Variants in TSHZ2 observed in about 807,000 individuals in gnomAD.
The protein encoded by TSHZ2 is teashirt zinc finger homeobox 2, also known as teashirt homolog 2.
A neutral mutation model predicts 74.4 loss-of-function variants in TSHZ2; 21 were observed. That is an observed-to-expected ratio of 0.28 (90% CI 0.20 to 0.41). TSHZ2 has a LOEUF of 0.41. TSHZ2 is among the 10% of genes least tolerant of loss of function. TSHZ2 has a pLI of 1.00. For synonymous variants in TSHZ2, 540 were observed against 515.3 expected (o/e 1.05, Z -0.65); for missense variants, 1,244 against 1,293.5 (o/e 0.96, Z 0.59).
At chr20:53,284,184 G>C (rs748338309) in intron 2 of TSHZ2, among the ~76,000 whole-genome samples, 1 of 152,170 alleles carries the variant, frequency 6.6e-6, no homozygotes, top group Non-Finnish European at 1.5e-5. Context: ...GAGTGTGTCT[G>C]TTAAGTGTTG....
At chr20:53,204,322 TATG>T (rs1471861930) in intron 1 of TSHZ2, among the ~76,000 whole-genome samples, 27 of 132,732 alleles carry the variant, frequency 2.0e-4, no homozygotes, top group African/African-American at 7.2e-4. Context: ...AACATGATGA[TATG>T]ATACTATATC....
At chr20:53,362,587 T>C (rs1981110336) in intron 2 of TSHZ2, among the ~76,000 whole-genome samples, 1 of 152,140 alleles carries the variant, frequency 6.6e-6, no homozygotes, top group Non-Finnish European at 1.5e-5. Context: ...GTTCAGCATA[T>C]CAAAAACTCA....
intron 2 of TSHZ2, among the ~76,000 whole-genome samples, chr20:53,470,581 C>T (rs936781871): frequency 2.0e-5 from 3 of 152,034 alleles, no homozygotes; most frequent in Non-Finnish European, 2.9e-5. Flanking sequence ...TTTGGGAGGC[C>T]GGGGTGGGCA....
chr20:53,255,812 C>A lies in TSHZ2; in HGVS notation c.2354C>A (p.Ser785Tyr), dbSNP rs779866776. Residue 785 changes from serine (S) to tyrosine (Y), a missense_variant, in exon 2 of 3, where the codon TCC becomes TAC. By Grantham distance (144) the Ser-to-Tyr change is moderately radical. Around this residue, in one of 6 missense-constraint regions of TSHZ2, gnomAD observed 562 missense variants for 544.0 expected, o/e 1.03. Coordinates refer to ENST00000371497, the MANE Select transcript of TSHZ2 (RefSeq NM_173485.6). This position sits in a 1 kb window ranked among gnomAD's most constrained non-coding sequence, Gnocchi z 4.1. ...TCCTCGCAAGCACAATCTTGTATGT[C>A]CCCACCTCAGAAGCACGCTCTGTCT... Reference protein sequence around the residue: ...AESSQAQSCMSPPQKHALSDI... With the variant: ...AESSQAQSCMYPPQKHALSDI... 1.9e-6 allele frequency: 3 copies of A among 1,613,602 alleles called. No individual in the cohort carries two copies. Among genetic ancestry groups the A allele is most frequent in the South Asian group, 1.1e-5 (1 of 90,948 alleles).
intron 2 of TSHZ2, among the ~76,000 whole-genome samples, chr20:53,277,090 G>A (rs562221728): frequency 3.3e-5 from 5 of 152,128 alleles, no homozygotes; most frequent in Non-Finnish European, 7.3e-5. Context: ...TGCTGAGATC[G>A]CTTAAAGAGG....
At chr20:53,422,182 AAAAG>A (rs1317388595) in intron 2 of TSHZ2, among the ~76,000 whole-genome samples, 1 of 152,236 alleles carries the variant, frequency 6.6e-6, no homozygotes, top group African/African-American at 2.4e-5. Flanking sequence ...AATAACGAAA[AAAAG>A]GTCATATCCA....
intron 2 of TSHZ2, among the ~76,000 whole-genome samples, chr20:53,339,664 G>A (rs1354876507): frequency 6.6e-6 from 1 of 152,146 alleles, no homozygotes; most frequent in East Asian, 1.9e-4. Flanking sequence ...CAGGTCAAAT[G>A]CCCATGAAGC....
chr20:53,068,594 G>A (rs903999032), intron 1 of TSHZ2, among the ~76,000 whole-genome samples: 1 of 152,176 alleles, frequency 6.6e-6, no homozygotes, highest in Admixed American at 6.5e-5. Context: ...AATCAAGAAT[G>A]TATTTGTGTG....
chr20:52,982,406 GTTAA>G (rs1306081067), intron 1 of TSHZ2, among the ~76,000 whole-genome samples: 4 of 152,178 alleles, frequency 2.6e-5, no homozygotes, highest in Non-Finnish European at 4.4e-5. Flanking sequence ...AAGCTATGGG[GTTAA>G]TTGAGAGCCT....
rs116398108 is a variant in TSHZ2 at position 53,164,647 on chromosome 20, T to C, written c.41-88852T>C. 2.3e-3 allele frequency among the ~76,000 whole-genome samples: 346 copies of C among 152,328 alleles called. 4 individuals are homozygous for C. Among genetic ancestry groups the C allele is most frequent in the African/African-American group, 7.8e-3 (324 of 41,574 alleles). On this transcript the variant is annotated intron_variant, in intron 1 of 2. Coordinates refer to ENST00000371497, the MANE Select transcript of TSHZ2 (RefSeq NM_173485.6). ...TTTTTGAATTTTATTTTATTTTAAATGCCCACATGGAGTTAGTGACTACTA... is the reference window on the plus strand; with the variant it reads ...TTTTTGAATTTTATTTTATTTTAAACGCCCACATGGAGTTAGTGACTACTA...
chr20:53,253,348 G>C, intron 1 of TSHZ2, 151 bp from the exon 2 acceptor site: 5 of 960,140 alleles, frequency 5.2e-6, no homozygotes, highest in Non-Finnish European at 7.0e-6. Flanking sequence ...GACACCATTT[G>C]GCTTTTCCTG....
intron 1 of TSHZ2, among the ~76,000 whole-genome samples, chr20:53,200,394 G>A (rs535425096): frequency 3.3e-5 from 5 of 152,330 alleles, no homozygotes; most frequent in Admixed American, 2.0e-4. Context: ...CACAGTGAAC[G>A]AAGGAGAGAG....
At chr20:53,037,472 C>T (rs1467952195) in intron 1 of TSHZ2, among the ~76,000 whole-genome samples, 1 of 152,172 alleles carries the variant, frequency 6.6e-6, no homozygotes, top group East Asian at 1.9e-4. Context: ...AACTAAATAG[C>T]TCTTAAGTAA....
chr20:53,423,201 A>T (rs1983540472), intron 2 of TSHZ2, among the ~76,000 whole-genome samples: 1 of 152,112 alleles, frequency 6.6e-6, no homozygotes, highest in African/African-American at 2.4e-5. Context: ...GAGTTTGAGA[A>T]CAGCCTGGCC....
At chr20:53,377,091 C>T (rs776834351) in intron 2 of TSHZ2, among the ~76,000 whole-genome samples, 2 of 152,166 alleles carry the variant, frequency 1.3e-5, no homozygotes, top group Non-Finnish European at 2.9e-5. Context: ...TGAAAACAAG[C>T]GAGGAGTCAT....
At chr20:53,120,502 C>T (rs979494174) in intron 1 of TSHZ2, among the ~76,000 whole-genome samples, 3 of 151,934 alleles carry the variant, frequency 2.0e-5, no homozygotes, top group African/African-American at 7.3e-5. Context: ...GACTGACAAA[C>T]AGGGCAAATG....
At chr20:53,251,974 T>A (rs1990342277) in intron 1 of TSHZ2, among the ~76,000 whole-genome samples, 1 of 152,246 alleles carries the variant, frequency 6.6e-6, no homozygotes, top group South Asian at 2.1e-4. Flanking sequence ...GCTAGCTGTG[T>A]GGCCTTGGGT....
At chr20:53,324,508 G>T (rs1442598727) in intron 2 of TSHZ2, among the ~76,000 whole-genome samples, 1 of 152,162 alleles carries the variant, frequency 6.6e-6, no homozygotes, top group Non-Finnish European at 1.5e-5. Context: ...CTCCCCAGTA[G>T]CAGGGAGCAC....
chr20:53,355,154 T>G (rs1032697843), intron 2 of TSHZ2, among the ~76,000 whole-genome samples: 1 of 152,180 alleles, frequency 6.6e-6, no homozygotes, highest in Admixed American at 6.5e-5. Flanking sequence ...AAATTGTAAT[T>G]AGAAAGAATT....
Sources: allele counts gnomAD v4.1 joint callset (sites outside exome capture counted in the v4.1 genomes callset), GRCh38; gene constraint gnomAD v4.1.1; regional missense constraint gnomAD v4.1.1; non-coding constraint Gnocchi (gnomAD v3.1); transcripts MANE v1.5; gene names NCBI Gene and HGNC (gene_info 2026-07-23, HGNC 2026-07-21).